The following CEP128 variants were observed in gnomAD, a reference collection of about 807,000 sequenced individuals.
CEP128 encodes centrosomal protein 128kDa.
CEP128 carries 132 observed loss-of-function variants against 156.7 expected under a neutral mutation model. The ratio of observed to expected loss-of-function variants is 0.84; its 90% confidence interval spans 0.73 to 0.97. The LOEUF is 0.97. Among genes scored for constraint, CEP128 ranks in the 50% least tolerant of loss-of-function variants. CEP128 has a pLI of 0.00. For synonymous variants in CEP128, 469 were observed against 448.9 expected, an observed-to-expected ratio of 1.04 and a Z score of -0.57; for missense variants, 1,252 against 1,281.9, an observed-to-expected ratio of 0.98 and a Z score of 0.36.
intron 23 of CEP128, among the ~76,000 whole-genome samples, chr14:80,508,164 C>T (rs1054259544): frequency 4.6e-5 from 7 of 152,196 alleles, no homozygotes; most frequent in Non-Finnish European, 1.0e-4. Flanking sequence ...GATCCACCTG[C>T]CTTGGCCCCC....
intron 19 of CEP128, among the ~76,000 whole-genome samples, chr14:80,684,554 T>C (rs1896450887): frequency 6.6e-6 from 1 of 151,928 alleles, no homozygotes. Context: ...AAAACTATTC[T>C]GAAAAATCAA....
At position 80,895,798 on chromosome 14, in the gene CEP128, GAAAA is replaced by G; in HGVS notation, c.573-12_573-9del. ...TTTGTTTCGGCATCTGACCTAGGAA[GAAAA>G]AAAAAAAAAAGATTTAAATTTGGAT... On this transcript the variant is annotated splice_polypyrimidine_tract_variant and intron_variant, in intron 7 of 24. Transcript: ENST00000555265. The G allele has an allele frequency of 1.3e-5, 17 of 1,262,350 alleles. No homozygotes were observed. The highest frequency in any genetic ancestry group is 3.4e-5 in the Admixed American group (1 of 29,232). The allele number at this position is 1,262,350 out of a possible 1,614,324, so 78.2% of individuals were successfully genotyped here.
chr14:80,850,090 G>A (rs1235840757), intron 9 of CEP128, among the ~76,000 whole-genome samples: 2 of 152,040 alleles, frequency 1.3e-5, no homozygotes, highest in Non-Finnish European at 2.9e-5. Flanking sequence ...GGAAAAACCT[G>A]TAATCCTGAA....
At chr14:80,592,160 C>A (rs1892101972) in intron 19 of CEP128, among the ~76,000 whole-genome samples, 1 of 152,014 alleles carries the variant, frequency 6.6e-6, no homozygotes, top group South Asian at 2.1e-4. Flanking sequence ...AAGATCAGAG[C>A]AGAACTGAAG....
intron 23 of CEP128, among the ~76,000 whole-genome samples, chr14:80,507,141 T>G (rs1488566902): frequency 6.6e-6 from 1 of 151,846 alleles, no homozygotes; most frequent in Non-Finnish European, 1.5e-5. Context: ...GCCGGTATCA[T>G]GCCTGTATAG....
intron 20 of CEP128, among the ~76,000 whole-genome samples, chr14:80,574,935 T>C (rs1347773475): frequency 6.6e-6 from 1 of 152,062 alleles, no homozygotes; most frequent in Non-Finnish European, 1.5e-5. Flanking sequence ...AGCCAACTGA[T>C]AGACAACTTA....
chr14:80,792,955 G>T lies in CEP128; in HGVS notation c.1365C>A (p.Thr455=), dbSNP rs1430640111. The change falls in exon 14 of 25, where the codon ACC becomes ACA. Residue 455 remains threonine, a synonymous_variant. Transcript: ENST00000555265. ...SELTRHAEDA[T]KQAERYLSEL... ...CACTGAGGTACCGCTCAGCCTGCTTGGTTGCATCCTCCGCATGGCGAGTCA... is the reference window on the plus strand; with the variant it reads ...CACTGAGGTACCGCTCAGCCTGCTTTGTTGCATCCTCCGCATGGCGAGTCA... 6.2e-7 allele frequency: 1 copy of T among 1,614,072 alleles called. No individual in the cohort carries two copies. Among genetic ancestry groups the T allele is most frequent in the Non-Finnish European group, 8.5e-7 (1 of 1,180,042 alleles).
At chr14:80,917,556 C>T (rs999988054) in intron 2 of CEP128, among the ~76,000 whole-genome samples, 8 of 152,132 alleles carry the variant, frequency 5.3e-5, no homozygotes, top group Non-Finnish European at 1.2e-4. Context: ...TTTTTTGAGA[C>T]AGAATCTCAC....
At chr14:80,589,629 G>A (rs1891963579) in intron 19 of CEP128, among the ~76,000 whole-genome samples, 1 of 152,054 alleles carries the variant, frequency 6.6e-6, no homozygotes, top group African/African-American at 2.4e-5. Flanking sequence ...TTACTGAGTT[G>A]CCTAAAATTA....
Position 80,743,087 on chromosome 14 carries a change from G to C in CEP128, c.2794C>G (p.Arg932Gly). 1.9e-6 allele frequency: 3 copies of C among 1,612,872 alleles called. No individual in the cohort carries two copies. Among genetic ancestry groups the C allele is most frequent in the Non-Finnish European group, 2.5e-6 (3 of 1,179,262 alleles). Residue 932 changes from arginine to glycine, a missense_variant, in exon 19 of 25, where the codon CGT (arginine) becomes GGT (glycine). Physicochemically the swap from Arg to Gly is moderately radical, Grantham distance 125. Transcript: ENST00000555265. ...AACTAACACACACCTCTCTTCTCAC[G>C]ATGTATTTCATCCAGAAGCTGCTCC... ...RQEQLLDEIHREKRDLLEETQ... is the reference protein window; with the variant it reads ...RQEQLLDEIHGEKRDLLEETQ...
intron 11 of CEP128, 110 bp from the exon 12 acceptor site, chr14:80,836,447 T>C (rs2140066241): frequency 4.3e-6 from 5 of 1,160,076 alleles, no homozygotes; most frequent in Non-Finnish European, 6.2e-6. Context: ...CTTCCAAGCA[T>C]AGTGGAACGG....
intron 7 of CEP128, among the ~76,000 whole-genome samples, 165 bp downstream of exon 7, chr14:80,899,773 T>A (rs760808065): frequency 3.3e-5 from 5 of 152,238 alleles, no homozygotes; most frequent in Non-Finnish European, 5.9e-5. Context: ...TGAGTCATGA[T>A]ATATTCTAAA....
chr14:80,552,234 G>A (rs547321213), intron 21 of CEP128, among the ~76,000 whole-genome samples: 3 of 151,880 alleles, frequency 2.0e-5, no homozygotes, highest in Non-Finnish European at 4.4e-5. Context: ...GCTTGAATGC[G>A]GGAGATGGAG....
At chr14:80,587,385 CA>C (rs796922326) in intron 19 of CEP128, among the ~76,000 whole-genome samples, 12 of 152,226 alleles carry the variant, frequency 7.9e-5, no homozygotes, top group African/African-American at 2.9e-4. Flanking sequence ...AGATGGAGCC[CA>C]ATTGGTCCAA....
At chr14:80,852,929 T>C (rs559124309) in intron 9 of CEP128, among the ~76,000 whole-genome samples, 22 of 151,740 alleles carry the variant, frequency 1.4e-4, no homozygotes, top group Middle Eastern at 3.4e-3. Flanking sequence ...AATTCAGCAA[T>C]GTATAAAAAA....
chr14:80,921,968 A>G (rs926353221), intron 2 of CEP128, among the ~76,000 whole-genome samples: 3 of 152,158 alleles, frequency 2.0e-5, no homozygotes, highest in African/African-American at 7.2e-5. Context: ...TCCCAAAAAA[A>G]AAAAAAATTC....
intron 23 of CEP128, among the ~76,000 whole-genome samples, chr14:80,511,884 T>G (rs1423382648): frequency 5.3e-5 from 8 of 152,104 alleles, no homozygotes; most frequent in African/African-American, 1.9e-4. Flanking sequence ...AATTTCCATG[T>G]GTTTGTATAG....
chr14:80,745,490 T>C (rs1391207940), intron 18 of CEP128, among the ~76,000 whole-genome samples: 2 of 152,150 alleles, frequency 1.3e-5, no homozygotes, highest in Non-Finnish European at 2.9e-5. Flanking sequence ...TTAATACAAT[T>C]AGGGACAAAC....
At chr14:80,741,296 A>G (rs1024584206) in intron 19 of CEP128, among the ~76,000 whole-genome samples, 2 of 152,202 alleles carry the variant, frequency 1.3e-5, no homozygotes, top group African/African-American at 2.4e-5. Flanking sequence ...TTTAGGTTTT[A>G]GTAAACCTGA....
Sources: gnomAD v4.1 joint callset for allele counts (sites outside exome capture counted in the v4.1 genomes callset) on GRCh38, gnomAD v4.1.1 for gene constraint, MANE v1.5 for transcripts, NCBI Gene and HGNC (gene_info 2026-07-23, HGNC 2026-07-21) for gene names.